GRM5: variants seen among roughly 807,000 people sequenced by gnomAD.
GRM5 encodes glutamate metabotropic receptor 5, also known as metabotropic glutamate receptor 5.
In GRM5, 19 loss-of-function variants were observed where a neutral mutation model predicts 83.1. The observed-to-expected ratio is 0.23, with a 90% CI of 0.16 to 0.34. GRM5 has a LOEUF of 0.34. GRM5 is among the 10% of genes least tolerant of loss of function. GRM5 has a pLI of 1.00. For synonymous variants in GRM5, 675 were observed against 633.6 expected, an observed-to-expected ratio of 1.07 and a Z score of -0.98; for missense variants, 1,160 against 1,588.3, an observed-to-expected ratio of 0.73 and a Z score of 4.58.
intron 3 of GRM5, among the ~76,000 whole-genome samples, chr11:88,718,332 A>T (rs940070804): frequency 6.6e-6 from 1 of 151,934 alleles, no homozygotes; most frequent in African/African-American, 2.4e-5. Flanking sequence ...GCCTTTTAAA[A>T]TGTATATTTG....
chr11:88,900,337 T>A (rs1945295546), intron 2 of GRM5, among the ~76,000 whole-genome samples: 2 of 152,146 alleles, frequency 1.3e-5, no homozygotes, highest in Non-Finnish European at 1.5e-5. Flanking sequence ...AAGCCACAAA[T>A]GTGAAATCAC....
At chr11:88,570,841 A>G (rs1014605817) in intron 7 of GRM5, among the ~76,000 whole-genome samples, 13 of 151,776 alleles carry the variant, frequency 8.6e-5, no homozygotes, top group Non-Finnish European at 1.8e-4. Flanking sequence ...TGCTGGGATT[A>G]CAGGCATGAG....
intron 3 of GRM5, among the ~76,000 whole-genome samples, chr11:88,760,073 G>A (rs1253180854): frequency 2.0e-5 from 3 of 151,630 alleles, no homozygotes; most frequent in African/African-American, 4.8e-5. Context: ...ACAAACTAAG[G>A]CAATGTTAAG....
At chr11:88,795,751 G>T (rs1441569084) in intron 3 of GRM5, among the ~76,000 whole-genome samples, 4 of 152,148 alleles carry the variant, frequency 2.6e-5, no homozygotes, top group African/African-American at 7.2e-5. Context: ...GCTGAACTGA[G>T]TCCCAGAATT....
chr11:88,666,914 G>GTATAT (rs1176642289), intron 3 of GRM5, among the ~76,000 whole-genome samples: 1 of 151,944 alleles, frequency 6.6e-6, no homozygotes, highest in Non-Finnish European at 1.5e-5. Context: ...AAGCATTAAA[G>GTATAT]AAAAAGAATG....
chr11:88,751,072 C>CAAAAAAAAAAAAAAAAAAAAAA (rs774458890), intron 3 of GRM5, among the ~76,000 whole-genome samples: 2 of 47,366 alleles, frequency 4.2e-5, no homozygotes, highest in Non-Finnish European at 3.6e-5. Flanking sequence ...TAGCAGAAGC[C>CAAAAAAAAAAAAAAAAAAAAAA]AAAAAAAAAA....
intron 2 of GRM5, among the ~76,000 whole-genome samples, chr11:88,922,341 A>G (rs1402409049): frequency 1.3e-5 from 2 of 152,170 alleles, no homozygotes; most frequent in Non-Finnish European, 2.9e-5. Flanking sequence ...CTACAGAGCT[A>G]TAATAAACAA....
chr11:88,838,888 C>CACACACACACACACACACACACAT (rs1241384826), intron 3 of GRM5, among the ~76,000 whole-genome samples: 1 of 151,590 alleles, frequency 6.6e-6, no homozygotes, highest in Non-Finnish European at 1.5e-5. Flanking sequence ...CACACACACA[C>CACACACACACACACACACACACAT]ACACACACAC....
At chr11:88,704,231 G>A (rs531410786) in intron 3 of GRM5, among the ~76,000 whole-genome samples, 2 of 152,144 alleles carry the variant, frequency 1.3e-5, no homozygotes, top group Non-Finnish European at 2.9e-5. Context: ...GGGGCTTAGG[G>A]TGTCAATATA....
intron 3 of GRM5, among the ~76,000 whole-genome samples, chr11:88,754,115 A>C (rs749030459): frequency 6.6e-6 from 1 of 152,164 alleles, no homozygotes; most frequent in Non-Finnish European, 1.5e-5. Flanking sequence ...CAAAAGGAAT[A>C]AGATCATGTC....
At chr11:88,515,313 C>T (rs11020166) in intron 9 of GRM5, among the ~76,000 whole-genome samples, 1 of 152,120 alleles carries the variant, frequency 6.6e-6, no homozygotes, top group Admixed American at 6.6e-5. Context: ...AGCTTCAAAA[C>T]TAAACTACTC....
chr11:88,546,001 A>G (rs1942379387), intron 8 of GRM5, among the ~76,000 whole-genome samples: 1 of 151,878 alleles, frequency 6.6e-6, no homozygotes, highest in Admixed American at 6.6e-5. Context: ...CTTTAATCAC[A>G]ATGGAGTTTT....
intron 3 of GRM5, among the ~76,000 whole-genome samples, chr11:88,657,717 A>C (rs1381417192): frequency 6.6e-6 from 1 of 152,140 alleles, no homozygotes; most frequent in Non-Finnish European, 1.5e-5. Context: ...TTTAAAACAA[A>C]ATTGACTCTT....
intron 1 of GRM5, among the ~76,000 whole-genome samples, chr11:89,062,564 A>C (rs1942016611): frequency 1.3e-5 from 2 of 152,246 alleles, no homozygotes; most frequent in Non-Finnish European, 2.9e-5. Flanking sequence ...TTGAAAAAGT[A>C]AAGTATTGGA....
chr11:88,655,303 G>C (rs1939738284), intron 3 of GRM5, among the ~76,000 whole-genome samples: 1 of 151,886 alleles, frequency 6.6e-6, no homozygotes, highest in African/African-American at 2.4e-5. Flanking sequence ...TGTTTTGGAG[G>C]GTTTATTATA....
intron 2 of GRM5, among the ~76,000 whole-genome samples, chr11:88,870,878 C>T (rs534150619): frequency 2.8e-4 from 43 of 151,366 alleles, no homozygotes; most frequent in Admixed American, 1.1e-3. Flanking sequence ...ATTAAATAAA[C>T]GATTAAAGGG....
intron 2 of GRM5, among the ~76,000 whole-genome samples, chr11:89,027,198 C>A (rs867470665): frequency 6.6e-6 from 1 of 151,794 alleles, no homozygotes; most frequent in South Asian, 2.1e-4. Context: ...TGGGTTCAAA[C>A]GATTCTCTGG....
At chr11:88,984,110 T>C (rs2135029129) in intron 2 of GRM5, among the ~76,000 whole-genome samples, 1 of 152,228 alleles carries the variant, frequency 6.6e-6, no homozygotes, top group South Asian at 2.1e-4. Flanking sequence ...AAAGGTGTCT[T>C]AATAAATTTA....
intron 3 of GRM5, among the ~76,000 whole-genome samples, chr11:88,773,799 C>A (rs1942789970): frequency 6.6e-6 from 1 of 152,118 alleles, no homozygotes. Flanking sequence ...CTATTCTGTT[C>A]CATTGGTCTA....
Sources: gnomAD v4.1 joint callset for allele counts (sites outside exome capture counted in the v4.1 genomes callset) on GRCh38, gnomAD v4.1.1 for gene constraint, MANE v1.5 for transcripts, NCBI Gene and HGNC (gene_info 2026-07-23, HGNC 2026-07-21) for gene names.